Variants in NR2C1 observed in about 807,000 individuals in gnomAD.
NR2C1 encodes nuclear receptor subfamily 2 group C member 1.
A neutral mutation model predicts 74.8 loss-of-function variants in NR2C1; 33 were observed. That is an observed-to-expected ratio of 0.44 (90% CI 0.33 to 0.59). The LOEUF (loss-of-function observed/expected upper bound fraction) is 0.59, where lower values mean the gene tolerates loss of function less well. Ranked by LOEUF, NR2C1 falls within the 20% of genes least tolerant of loss-of-function variation. The pLI is 0.02. For synonymous variants in NR2C1, 225 were observed against 240.6 expected (o/e 0.94, Z 0.60); for missense variants, 568 against 715.6 (o/e 0.79, Z 2.35).
In NR2C1 at chr12:95,036,768, C is replaced by T. The variant is rs191617318; in HGVS notation, c.1253+3708G>A. 9.1e-4 allele frequency among the ~76,000 whole-genome samples: 139 copies of T among 152,252 alleles called. 1 individual carries two copies. The highest frequency in any genetic ancestry group is 3.0e-3 in the African/African-American group (125 of 41,564). On this transcript the variant is annotated intron_variant, in intron 10 of 13. Coordinates refer to ENST00000333003, the MANE Select transcript of NR2C1 (RefSeq NM_003297.4). ...TCAAGTGATCCGCCTGCTTTGGCCTCCCAAAGTGCTGAGATTACAGGCATG... is the reference window on the plus strand; with the variant it reads ...TCAAGTGATCCGCCTGCTTTGGCCTTCCAAAGTGCTGAGATTACAGGCATG...
chr12:95,059,202 C>CGAGGCA (rs1874367985), intron 4 of NR2C1, among the ~76,000 whole-genome samples: 2 of 150,876 alleles, frequency 1.3e-5, no homozygotes, highest in South Asian at 4.2e-4. Context: ...CTCAGAAGGC[C>CGAGGCA]GAGGCAGGAG....
intron 7 of NR2C1, among the ~76,000 whole-genome samples, chr12:95,052,556 A>G (rs1183967027): frequency 2.0e-5 from 3 of 152,148 alleles, no homozygotes; most frequent in East Asian, 1.9e-4. Flanking sequence ...TTCTGGGCTC[A>G]CTGATCCTCC....
intron 2 of NR2C1, among the ~76,000 whole-genome samples, chr12:95,066,416 CCATA>C (rs1875705766): frequency 6.6e-6 from 1 of 152,098 alleles, no homozygotes; most frequent in South Asian, 2.1e-4. Context: ...TATTTCTTCA[CCATA>C]TATATACATA....
At chr12:95,042,120 A>T (rs766732530) in intron 9 of NR2C1, among the ~76,000 whole-genome samples, 1 of 152,160 alleles carries the variant, frequency 6.6e-6, no homozygotes, top group Non-Finnish European at 1.5e-5. Context: ...CACGCCACAC[A>T]GTTAACAGTG....
chr12:95,037,093 CAATA>C (rs1870941796), intron 10 of NR2C1, among the ~76,000 whole-genome samples: 1 of 152,154 alleles, frequency 6.6e-6, no homozygotes, highest in African/African-American at 2.4e-5. Flanking sequence ...TTACATTATT[CAATA>C]AATAAAGTCT....
At chr12:95,050,648 G>A (rs1224754962) in intron 8 of NR2C1, among the ~76,000 whole-genome samples, 1 of 150,980 alleles carries the variant, frequency 6.6e-6, no homozygotes, top group Admixed American at 6.7e-5. Flanking sequence ...TTTTCCTTTA[G>A]AGATGGGGTC....
At chr12:95,038,913 C>A in intron 10 of NR2C1, among the ~76,000 whole-genome samples, 1 of 151,970 alleles carries the variant, frequency 6.6e-6, no homozygotes. Flanking sequence ...AATCAATTGC[C>A]AATATGCAAA....
At chr12:95,027,492 T>C (rs932516832) in intron 12 of NR2C1, among the ~76,000 whole-genome samples, 1 of 152,098 alleles carries the variant, frequency 6.6e-6, no homozygotes, top group Non-Finnish European at 1.5e-5. Context: ...ATCCCAGCAC[T>C]TTGGGAGGCC....
chr12:95,029,552 A>T (rs1869794612), intron 11 of NR2C1, among the ~76,000 whole-genome samples: 1 of 143,264 alleles, frequency 7.0e-6, no homozygotes, highest in Non-Finnish European at 1.5e-5. Flanking sequence ...TCTAAATGTA[A>T]TGGTTCCTTT....
intron 13 of NR2C1, among the ~76,000 whole-genome samples, chr12:95,023,642 A>G (rs1314231376): frequency 6.6e-6 from 1 of 152,172 alleles, no homozygotes; most frequent in East Asian, 1.9e-4. Context: ...GTGAGGATGA[A>G]TGAAATGATC....
intron 9 of NR2C1, among the ~76,000 whole-genome samples, chr12:95,045,002 G>C (rs11107874): frequency 0.034 from 5,136 of 152,242 alleles, 121 homozygotes; most frequent in Middle Eastern, 0.054. Flanking sequence ...CCAGGAGTTT[G>C]AGACCAGCCT....
At chr12:95,028,210 AC>A in intron 12 of NR2C1, 176 bp downstream of exon 12, 1 of 551,628 alleles carries the variant, frequency 1.8e-6, no homozygotes, top group Non-Finnish European at 3.2e-6. Flanking sequence ...TCTTGGGCTG[AC>A]AAGAGTGAAG....
Position 95,072,469 on chromosome 12 carries a change from A to AAAG in NR2C1, c.-8+910_-8+911insCTT, listed in dbSNP as rs771212032. On this transcript the variant is annotated intron_variant, in intron 1 of 13. Transcript: ENST00000333003. ...CCTCTCCCTCTCAAAAAAAAAAAAA[A>AAAG]AAAAAGAAAAAAAAATCGAGTATCA... Among the ~76,000 whole-genome samples the AAAG allele has an allele frequency of 1.9e-3, 288 of 150,830 alleles. 1 individual carries two copies. The highest frequency in any genetic ancestry group is 3.2e-3 in the Non-Finnish European group (216 of 67,722).
At chr12:95,065,443 A>T (rs574196917) in intron 2 of NR2C1, among the ~76,000 whole-genome samples, 2 of 152,160 alleles carry the variant, frequency 1.3e-5, no homozygotes, top group African/African-American at 2.4e-5. Context: ...AAAAATTAAC[A>T]ACCCATTAAA....
chr12:95,050,162 G>C (rs1220663569), intron 8 of NR2C1, among the ~76,000 whole-genome samples: 1 of 152,100 alleles, frequency 6.6e-6, no homozygotes, highest in Non-Finnish European at 1.5e-5. Flanking sequence ...TTTGATATTA[G>C]AATAATAACA....
intron 8 of NR2C1, among the ~76,000 whole-genome samples, chr12:95,050,097 G>A (rs908386817): frequency 4.6e-5 from 7 of 152,178 alleles, no homozygotes; most frequent in Middle Eastern, 6.8e-3. Context: ...TACTGCACCC[G>A]GGCAGAGAGT....
chr12:95,027,672 G>C (rs1285604934), intron 12 of NR2C1, among the ~76,000 whole-genome samples: 1 of 152,066 alleles, frequency 6.6e-6, no homozygotes, highest in African/African-American at 2.4e-5. Flanking sequence ...GGAGGCGGAG[G>C]TTGCAGTGAA....
intron 1 of NR2C1, among the ~76,000 whole-genome samples, chr12:95,069,323 T>C (rs1487287370): frequency 6.6e-6 from 1 of 152,218 alleles, no homozygotes; most frequent in Non-Finnish European, 1.5e-5. Context: ...AGTCATGTAC[T>C]GCACAATGTT....
chr12:95,054,579 A>AAGT (rs879847487), intron 7 of NR2C1, among the ~76,000 whole-genome samples: 2 of 152,144 alleles, frequency 1.3e-5, no homozygotes, highest in Non-Finnish European at 2.9e-5. Context: ...GCTGGGATAC[A>AAGT]GGCTTGAGCC....
Sources: gnomAD v4.1 joint callset for allele counts (sites outside exome capture counted in the v4.1 genomes callset) on GRCh38, gnomAD v4.1.1 for gene constraint, MANE v1.5 for transcripts, NCBI Gene and HGNC (gene_info 2026-07-23, HGNC 2026-07-21) for gene names.